Variants in TRHDE observed in about 807,000 individuals in gnomAD.
TRHDE encodes the protein thyrotropin releasing hormone degrading enzyme.
TRHDE carries 72 observed loss-of-function variants against 125.7 expected under a neutral mutation model. That is an observed-to-expected ratio of 0.57 (90% confidence interval 0.47 to 0.70). TRHDE has a LOEUF of 0.70. TRHDE is among the 30% of genes least tolerant of loss of function. The probability of loss-of-function intolerance (pLI) is 0.00; values close to 1 mark genes in which losing one functional copy is unlikely to be tolerated. For synonymous variants in TRHDE, 509 were observed against 509.1 expected (o/e 1.00, Z 0.00); for missense variants, 1,110 against 1,327.1 (o/e 0.84, Z 2.54).
chr12:72,426,069 G>A (rs1874172831), intron 3 of TRHDE, among the ~76,000 whole-genome samples: 2 of 152,076 alleles, frequency 1.3e-5, no homozygotes, highest in African/African-American at 4.8e-5. Flanking sequence ...GCTATAGTGT[G>A]CAGTAAATGG....
intron 12 of TRHDE, among the ~76,000 whole-genome samples, chr12:72,609,406 CA>C (rs1041509333): frequency 6.6e-6 from 1 of 152,056 alleles, no homozygotes; most frequent in African/African-American, 2.4e-5. Flanking sequence ...GAATAACATG[CA>C]AAAAATTTTT....
intron 15 of TRHDE, among the ~76,000 whole-genome samples, chr12:72,626,063 A>G (rs1873246088): frequency 6.6e-6 from 1 of 151,888 alleles, no homozygotes; most frequent in South Asian, 2.1e-4. Context: ...CTGATTTAGT[A>G]GGTAGAATGA....
chr12:72,177,203 T>C (rs983707414), intron 2 of TRHDE, among the ~76,000 whole-genome samples: 1 of 152,212 alleles, frequency 6.6e-6, no homozygotes, highest in Non-Finnish European at 1.5e-5. Flanking sequence ...CATTGCTAAA[T>C]TGGATTGCTT....
At chr12:72,189,281 A>T (rs1259829346) in intron 2 of TRHDE, among the ~76,000 whole-genome samples, 1 of 152,220 alleles carries the variant, frequency 6.6e-6, no homozygotes, top group East Asian at 1.9e-4. Flanking sequence ...CTTTAATTTT[A>T]AATAGTAGGA....
At chr12:72,580,428 G>A (rs1214207159) in intron 12 of TRHDE, among the ~76,000 whole-genome samples, 2 of 152,032 alleles carry the variant, frequency 1.3e-5, no homozygotes, top group Non-Finnish European at 2.9e-5. Flanking sequence ...TATTTGTGTT[G>A]TTGGGTGTTT....
chr12:72,190,777 G>A (rs1877322453), intron 2 of TRHDE, among the ~76,000 whole-genome samples: 2 of 152,150 alleles, frequency 1.3e-5, no homozygotes, highest in African/African-American at 4.8e-5. Flanking sequence ...GTGGTGGCAG[G>A]GATGAAAGTA....
At chr12:72,332,299 T>C (rs1050584317) in intron 2 of TRHDE, among the ~76,000 whole-genome samples, 6 of 152,090 alleles carry the variant, frequency 3.9e-5, no homozygotes, top group Non-Finnish European at 7.4e-5. Flanking sequence ...CCACCATGCC[T>C]GGCTAATTTT....
At chr12:72,304,131 A>T (rs530587800) in intron 2 of TRHDE, among the ~76,000 whole-genome samples, 92 of 152,312 alleles carry the variant, frequency 6.0e-4, no homozygotes, top group African/African-American at 2.1e-3. Flanking sequence ...ATTTTCCACT[A>T]GACTAATTAC....
intron 2 of TRHDE, among the ~76,000 whole-genome samples, chr12:72,360,189 A>T (rs1290824292): frequency 6.6e-6 from 1 of 151,828 alleles, no homozygotes; most frequent in East Asian, 1.9e-4. Context: ...GCAATGAATG[A>T]TTTCATTAAA....
intron 6 of TRHDE, among the ~76,000 whole-genome samples, chr12:72,529,902 C>T (rs774282206): frequency 6.6e-6 from 1 of 152,130 alleles, no homozygotes; most frequent in Non-Finnish European, 1.5e-5. Flanking sequence ...TGTTCTTACG[C>T]CTCCAACCCT....
At chr12:72,603,448 G>A (rs116337034) in intron 12 of TRHDE, among the ~76,000 whole-genome samples, 3,819 of 152,172 alleles carry the variant, frequency 0.025, 164 homozygotes, top group African/African-American at 0.087. Context: ...AGTGTGGGCC[G>A]AGCGCGGTGT....
At position 72,272,807 on chromosome 12, in the gene TRHDE, C is replaced by A. The variant is rs1451223844; in HGVS notation, c.164C>A (p.Ala55Asp). The A allele has an allele frequency of 6.4e-7, 1 of 1,567,454 alleles. No individual in the cohort carries two copies. Among genetic ancestry groups the A allele is most frequent in the Non-Finnish European group, 8.6e-7 (1 of 1,159,980 alleles). ...GGGGAAGACGACGCCGCGCTTCGGG[C>A]TGGCAGCAGGGGGCTCTCCGACCCG... ...AMGEDDAALRAGSRGLSDPWA... is the reference protein window; with the variant it reads ...AMGEDDAALRDGSRGLSDPWA... Residue 55 changes from alanine (A) to aspartate (D), a missense_variant, in exon 1 of 19, where the codon GCT becomes GAT. Physicochemically the swap from Ala to Asp is moderately radical, Grantham distance 126. Around this residue, in one of 5 missense-constraint regions of TRHDE, gnomAD observed 248 missense variants for 240.8 expected, o/e 1.03. Coordinates refer to ENST00000261180, the MANE Select transcript of TRHDE (RefSeq NM_013381.3). This position sits in a 1 kb window ranked among gnomAD's most constrained non-coding sequence, Gnocchi z 6.7.
At chr12:72,489,215 T>A (rs1386584517) in intron 5 of TRHDE, among the ~76,000 whole-genome samples, 2 of 146,208 alleles carry the variant, frequency 1.4e-5, no homozygotes, top group East Asian at 2.0e-4. Flanking sequence ...ACTTAGAGAT[T>A]TTTTTTGAAA....
chr12:72,642,332 A>G (rs1269692367), intron 15 of TRHDE, among the ~76,000 whole-genome samples: 1 of 152,206 alleles, frequency 6.6e-6, no homozygotes, highest in African/African-American at 2.4e-5. Context: ...TAAGATAACA[A>G]AGTTAAATAT....
chr12:72,358,932 A>T (rs1425877602), intron 2 of TRHDE, among the ~76,000 whole-genome samples: 1 of 151,584 alleles, frequency 6.6e-6, no homozygotes, highest in African/African-American at 2.4e-5. Context: ...AAAGATACTG[A>T]ATCAGTTGTC....
At chr12:72,374,673 G>A (rs1871792432) in intron 2 of TRHDE, among the ~76,000 whole-genome samples, 1 of 152,122 alleles carries the variant, frequency 6.6e-6, no homozygotes, top group Non-Finnish European at 1.5e-5. Context: ...TTAAGGACAG[G>A]AAGTGATCGA....
chr12:72,387,855 C>T (rs1008631895), intron 3 of TRHDE, among the ~76,000 whole-genome samples: 1 of 152,154 alleles, frequency 6.6e-6, no homozygotes, highest in African/African-American at 2.4e-5. Context: ...TTGCCTTCTG[C>T]CATGATTGTG....
chr12:72,625,622 G>A (rs1030447325), intron 15 of TRHDE, among the ~76,000 whole-genome samples: 1 of 151,728 alleles, frequency 6.6e-6, no homozygotes, highest in East Asian at 1.9e-4. Context: ...TTACTATATT[G>A]AGCATTTACT....
intron 18 of TRHDE, among the ~76,000 whole-genome samples, chr12:72,660,040 C>A (rs1874857333): frequency 6.6e-6 from 1 of 151,854 alleles, no homozygotes; most frequent in South Asian, 2.1e-4. Flanking sequence ...GACAAGGGGG[C>A]AGGGTAAGGA....
Sources: gnomAD v4.1 joint callset for allele counts (sites outside exome capture counted in the v4.1 genomes callset) on GRCh38, gnomAD v4.1.1 for gene constraint, gnomAD v4.1.1 regional missense constraint, Gnocchi (gnomAD v3.1) non-coding constraint, MANE v1.5 for transcripts, NCBI Gene and HGNC (gene_info 2026-07-23, HGNC 2026-07-21) for gene names.